Variants in MATN2 observed in about 807,000 individuals in gnomAD.
MATN2 encodes matrilin-2.
MATN2 carries 69 observed loss-of-function variants against 103.2 expected under a neutral mutation model. The observed-to-expected ratio is 0.67, with a 90% CI of 0.55 to 0.82. The LOEUF is 0.82. Ranked by LOEUF, MATN2 falls within the 40% of genes least tolerant of loss-of-function variation. The pLI, the probability that MATN2 is intolerant of heterozygous loss-of-function variation, is 0.00. For missense variants in MATN2, 1,023 were observed against 1,211.5 expected (o/e 0.84, Z 2.31); for synonymous variants, 429 against 450.2 (o/e 0.95, Z 0.60).
chr8:97,888,341 C>T lies in MATN2; in HGVS notation c.142+99C>T, dbSNP rs559227575. 12 of 1,325,960 alleles carry T rather than the reference C, an allele frequency of 9.1e-6. No homozygotes were observed. In the African/African-American group the frequency reaches 1.8e-4, roughly 20 times the overall value. The allele number at this position is 1,325,960 out of a possible 1,614,324, so 82.1% of individuals were successfully genotyped here. A position where few individuals can be genotyped will look rare whatever the true frequency, so the allele number is the denominator to read the frequency against. The stretch of plus-strand genomic sequence containing the variant: ...TGACTGTTTGAGAAGCTTTCCTTTC[C>T]CTGGGTCCTTGTTGGATGTGCTGGG... On this transcript the variant is annotated intron_variant, in intron 2 of 18. Transcript: ENST00000254898.
intron 1 of MATN2, among the ~76,000 whole-genome samples, chr8:97,886,664 G>A (rs1203794031): frequency 6.6e-6 from 1 of 152,096 alleles, no homozygotes. Flanking sequence ...ACAGGCCCAG[G>A]TCCATTCCCA....
chr8:97,917,559 G>A (rs140319751), intron 2 of MATN2, among the ~76,000 whole-genome samples: 121 of 152,228 alleles, frequency 7.9e-4, no homozygotes, highest in Admixed American at 2.2e-3. Context: ...GGATAAGACT[G>A]CACCCGCTCT....
chr8:97,921,921 C>T (rs983000531), intron 2 of MATN2, among the ~76,000 whole-genome samples: 5 of 152,230 alleles, frequency 3.3e-5, no homozygotes, highest in Non-Finnish European at 7.3e-5. Context: ...GGCCGCACAG[C>T]AGGAAATGAA....
At position 97,917,946 on chromosome 8, in the gene MATN2, T is replaced by G. The variant is rs377496553; in HGVS notation, c.143-13007T>G. On this transcript the variant is annotated intron_variant, in intron 2 of 18. Coordinates refer to ENST00000254898, the MANE Select transcript of MATN2 (RefSeq NM_002380.5). Reference sequence around the variant, plus strand: ...TCAAAAATACAAAAAATTAGTCGGGTGTGGTGGGTGTGCCTGTAGTCTCAG... The same window carrying G: ...TCAAAAATACAAAAAATTAGTCGGGGGTGGTGGGTGTGCCTGTAGTCTCAG... Among the ~76,000 whole-genome samples the G allele has an allele frequency of 2.4e-4, 37 of 152,036 alleles. 1 individual carries two copies. In the East Asian group the frequency reaches 6.8e-3, roughly 28 times the overall value.
chr8:97,895,362 A>G (rs1818775112), intron 2 of MATN2, among the ~76,000 whole-genome samples: 1 of 152,190 alleles, frequency 6.6e-6, no homozygotes, highest in Non-Finnish European at 1.5e-5. Flanking sequence ...CCATTTTGCC[A>G]TGATTAAAAC....
chr8:97,888,170 A>G lies in MATN2; in HGVS notation c.70A>G (p.Arg24Gly). ...GATCGTCCTCCTCCCTGCCGAGGCCAGGGAGCGGTCACGTGGGAGGTCCAT... is the reference window on the plus strand; with the variant it reads ...GATCGTCCTCCTCCCTGCCGAGGCCGGGGAGCGGTCACGTGGGAGGTCCAT... Reference protein sequence around the residue: ...GQIVLLPAEARERSRGRSISR... With the variant: ...GQIVLLPAEAGERSRGRSISR... Residue 24 changes from arginine to glycine, a missense_variant, in exon 2 of 19, where the codon AGG (arginine) becomes GGG (glycine). Coordinates refer to ENST00000254898, the MANE Select transcript of MATN2 (RefSeq NM_002380.5). 1 of 1,609,116 alleles carries G rather than the reference A, an allele frequency of 6.2e-7. No homozygotes were observed. Among genetic ancestry groups the G allele is most frequent in the Non-Finnish European group, 8.5e-7 (1 of 1,177,488 alleles).
At position 97,982,235 on chromosome 8, in the gene MATN2, G is replaced by A. The variant is rs544398364; in HGVS notation, c.1081+3227G>A. Reference sequence around the variant, plus strand: ...AAATAAGGCAAAAGCCCAGTCGTAAGAATGAAACACTCAGGAGTGCTCCAG... The same window carrying A: ...AAATAAGGCAAAAGCCCAGTCGTAAAAATGAAACACTCAGGAGTGCTCCAG... On this transcript the variant is annotated intron_variant, in intron 6 of 18. Coordinates refer to ENST00000254898, the MANE Select transcript of MATN2 (RefSeq NM_002380.5). This position sits in a 1 kb window ranked among gnomAD's most constrained non-coding sequence, Gnocchi z 4.3. Among the ~76,000 whole-genome samples, 1 of 152,322 alleles carries A rather than the reference G, an allele frequency of 6.6e-6. No individual in the cohort carries two copies. Among genetic ancestry groups the A allele is most frequent in the Admixed American group, 6.5e-5 (1 of 15,306 alleles).
intron 1 of MATN2, among the ~76,000 whole-genome samples, chr8:97,869,495 C>T (rs996398066): frequency 6.6e-6 from 1 of 152,122 alleles, no homozygotes; most frequent in Admixed American, 6.5e-5. Flanking sequence ...GCTGCCCGAC[C>T]CCTCGGCCGG....
At chr8:97,971,208 T>C (rs1811643801) in intron 5 of MATN2, among the ~76,000 whole-genome samples, 1 of 152,176 alleles carries the variant, frequency 6.6e-6, no homozygotes, top group Non-Finnish European at 1.5e-5. Flanking sequence ...ATAAAACAAA[T>C]GTAACTTTCT....
At chr8:97,913,728 C>A (rs1809529227) in intron 2 of MATN2, among the ~76,000 whole-genome samples, 1 of 151,618 alleles carries the variant, frequency 6.6e-6, no homozygotes, top group Non-Finnish European at 1.5e-5. Context: ...AATTCTCCTG[C>A]CTTAGTCTAC....
At chr8:97,910,225 C>T (rs963779596) in intron 2 of MATN2, among the ~76,000 whole-genome samples, 1 of 152,012 alleles carries the variant, frequency 6.6e-6, no homozygotes, top group Non-Finnish European at 1.5e-5. Context: ...CCACACCTGG[C>T]TAATTTTTGT....
chr8:98,035,640 C>A lies in MATN2; in HGVS notation c.2816-17C>A. On this transcript the variant is annotated splice_polypyrimidine_tract_variant and intron_variant, in intron 18 of 18. Transcript: ENST00000254898. The stretch of plus-strand genomic sequence containing the variant: ...TAAAAATAGACAATTCTTCATCTTC[C>A]TTAATTTGAGATTTACTAGAAGAAA... 1 of 1,496,310 alleles carries A rather than the reference C, an allele frequency of 6.7e-7. No individual in the cohort carries two copies. The highest frequency in any genetic ancestry group is 9.2e-7 in the Non-Finnish European group (1 of 1,086,176). 92.7% of individuals were successfully genotyped at this position (1,496,310 alleles called of 1,614,324 possible).
intron 2 of MATN2, among the ~76,000 whole-genome samples, chr8:97,924,696 G>A (rs199979759): frequency 0.022 from 434 of 19,948 alleles, 3 homozygotes; most frequent in Middle Eastern, 0.074. Context: ...AGGCAGGCAA[G>A]CATCTGTTTT....
intron 6 of MATN2, among the ~76,000 whole-genome samples, chr8:97,993,803 T>C (rs1279617292): frequency 6.6e-6 from 1 of 152,176 alleles, no homozygotes; most frequent in East Asian, 1.9e-4. Context: ...GAGTTTGGCT[T>C]TGGGAACGTT....
At chr8:97,921,874 T>A (rs1055492508) in intron 2 of MATN2, among the ~76,000 whole-genome samples, 1 of 152,200 alleles carries the variant, frequency 6.6e-6, no homozygotes, top group Non-Finnish European at 1.5e-5. Context: ...AACCCCATGC[T>A]GTGGACCGAT....
At chr8:97,880,205 T>C (rs1451156117) in intron 1 of MATN2, among the ~76,000 whole-genome samples, 1 of 151,578 alleles carries the variant, frequency 6.6e-6, no homozygotes, top group Non-Finnish European at 1.5e-5. Context: ...TGCCTCAGCC[T>C]CCCGAGTAGC....
chr8:97,983,541 T>C (rs1334443546), intron 6 of MATN2, among the ~76,000 whole-genome samples: 1 of 152,184 alleles, frequency 6.6e-6, no homozygotes, highest in Non-Finnish European at 1.5e-5. Flanking sequence ...TGGACAGGGA[T>C]TCATGTCTTT....
At chr8:97,954,151 C>T (rs532845582) in intron 4 of MATN2, among the ~76,000 whole-genome samples, 25 of 152,216 alleles carry the variant, frequency 1.6e-4, no homozygotes, top group African/African-American at 6.0e-4. Context: ...AGTCGATATT[C>T]TTTTCACCTG....
At chr8:98,035,193 A>G (rs777085547) in intron 18 of MATN2, among the ~76,000 whole-genome samples, 15 of 152,168 alleles carry the variant, frequency 9.9e-5, no homozygotes, top group Non-Finnish European at 1.8e-4. Context: ...CCCCACCTCT[A>G]CTAAAAATAC....
Sources: gnomAD v4.1 joint callset for allele counts (sites outside exome capture counted in the v4.1 genomes callset) on GRCh38, gnomAD v4.1.1 for gene constraint, Gnocchi (gnomAD v3.1) non-coding constraint, MANE v1.5 for transcripts, NCBI Gene and HGNC (gene_info 2026-07-23, HGNC 2026-07-21) for gene names.